PRKCE: variants seen among roughly 807,000 people sequenced by gnomAD.
PRKCE encodes protein kinase C epsilon type.
Under a neutral mutation model 85.4 loss-of-function variants are expected in PRKCE, and 16 were observed. The observed-to-expected ratio is 0.19, with a 90% CI of 0.13 to 0.28. The LOEUF (loss-of-function observed/expected upper bound fraction) is 0.28. Among genes scored for constraint, PRKCE ranks in the 10% least tolerant of loss-of-function variants. The pLI is 1.00. For missense variants in PRKCE, 573 were observed against 975.2 expected (o/e 0.59, Z 5.49); for synonymous variants, 388 against 371.5 (o/e 1.04, Z -0.51).
intron 4 of PRKCE, 117 bp from the exon 5 acceptor site, chr2:45,980,179 C>A: frequency 2.4e-6 from 2 of 841,016 alleles, no homozygotes; most frequent in Non-Finnish European, 3.7e-6. Context: ...TAAATTAAGG[C>A]TCAGTGGCAG....
At chr2:45,676,106 G>C (rs939877138) in intron 1 of PRKCE, 1 of 152,172 alleles carries the variant, frequency 6.6e-6, no homozygotes, top group Non-Finnish European at 1.5e-5. Flanking sequence ...GGCGTGACGG[G>C]ATTTTCTTGG....
intron 1 of PRKCE, among the ~76,000 whole-genome samples, chr2:45,792,019 C>T (rs1448345159): frequency 6.6e-6 from 1 of 152,232 alleles, no homozygotes; most frequent in Non-Finnish European, 1.5e-5. Context: ...GTTACTCTAA[C>T]AGAATAGCTA....
At chr2:45,851,584 G>A (rs2105559941) in intron 2 of PRKCE, 1 of 152,188 alleles carries the variant, frequency 6.6e-6, no homozygotes, top group South Asian at 2.1e-4. Context: ...TTATTATTTT[G>A]TTTTTCTTTC....
intron 11 of PRKCE, among the ~76,000 whole-genome samples, chr2:46,123,249 A>G (rs1343778573): frequency 1.6e-5 from 1 of 63,586 alleles, no homozygotes; most frequent in Non-Finnish European, 2.8e-5. Context: ...TTTTTGGTCT[A>G]CACACAGCTT....
At chr2:45,881,054 G>A (rs1450435260) in intron 2 of PRKCE, among the ~76,000 whole-genome samples, 1 of 150,712 alleles carries the variant, frequency 6.6e-6, no homozygotes, top group Non-Finnish European at 1.5e-5. Flanking sequence ...TTGGGAGGCT[G>A]AGGCAGGAGA....
intron 1 of PRKCE, among the ~76,000 whole-genome samples, chr2:45,687,255 A>T (rs1486320156): frequency 6.6e-6 from 1 of 152,214 alleles, no homozygotes; most frequent in Non-Finnish European, 1.5e-5. Flanking sequence ...AAAGTATTCT[A>T]ATAAATTAGT....
rs527569088 is a variant in PRKCE, at chr2:45,841,053, C to G, written c.349-1947C>G. ...TGTGTGCTGGGTGTTTCCTAAGAGA[C>G]AGTGAGCTACGAACTAGGGATGCAA... On this transcript the variant is annotated intron_variant, in intron 1 of 14. Transcript: ENST00000306156. Among the ~76,000 whole-genome samples the G allele has an allele frequency of 7.2e-5, 11 of 152,262 alleles. No individual in the cohort carries two copies. The South Asian group carries it at 1.5e-3, about 20-fold the overall frequency.
intron 2 of PRKCE, among the ~76,000 whole-genome samples, chr2:45,898,992 A>T (rs895591875): frequency 6.6e-6 from 1 of 152,236 alleles, no homozygotes; most frequent in Non-Finnish European, 1.5e-5. Flanking sequence ...TCATTGTTTC[A>T]GGACTTACAT....
chr2:46,171,342 G>A (rs1678875471), intron 14 of PRKCE, among the ~76,000 whole-genome samples: 1 of 152,216 alleles, frequency 6.6e-6, no homozygotes, highest in Non-Finnish European at 1.5e-5. Context: ...TGGTGGTGAT[G>A]GTGGCCTCTT....
chr2:45,858,815 C>A (rs60327045), intron 2 of PRKCE, among the ~76,000 whole-genome samples: 2 of 151,752 alleles, frequency 1.3e-5, no homozygotes, highest in Non-Finnish European at 2.9e-5. Flanking sequence ...CCAAGGCGGG[C>A]GGATCACTTG....
intron 6 of PRKCE, among the ~76,000 whole-genome samples, chr2:45,987,490 T>C (rs1157140046): frequency 1.3e-5 from 2 of 152,198 alleles, no homozygotes; most frequent in South Asian, 2.1e-4. Flanking sequence ...TCCTCTCTCT[T>C]TAATTAAGAA....
At chr2:46,076,680 T>C (rs1026584519) in intron 10 of PRKCE, among the ~76,000 whole-genome samples, 14 of 152,136 alleles carry the variant, frequency 9.2e-5, no homozygotes, top group South Asian at 6.2e-4. Flanking sequence ...CCAACTGTGA[T>C]TGAATTAAGG....
intron 11 of PRKCE, among the ~76,000 whole-genome samples, chr2:46,135,517 A>G (rs1035715302): frequency 6.6e-6 from 1 of 152,166 alleles, no homozygotes; most frequent in Non-Finnish European, 1.5e-5. Flanking sequence ...GATTAAATGA[A>G]GTAAGAGATA....
intron 3 of PRKCE, 91 bp from the exon 4 acceptor site, chr2:45,978,885 G>T: frequency 9.5e-7 from 1 of 1,049,678 alleles, no homozygotes. Flanking sequence ...GGTGCTATGT[G>T]GGTGGTGGCC....
chr2:45,666,053 G>C (rs1375345492), intron 1 of PRKCE, among the ~76,000 whole-genome samples: 3 of 152,156 alleles, frequency 2.0e-5, no homozygotes, highest in Admixed American at 2.0e-4. Flanking sequence ...CCTGCCATTA[G>C]CCTGCTACAG....
intron 10 of PRKCE, among the ~76,000 whole-genome samples, chr2:46,049,825 G>T (rs1184459334): frequency 1.3e-5 from 2 of 152,126 alleles, no homozygotes; most frequent in South Asian, 2.1e-4. Flanking sequence ...TTTGTGTTCT[G>T]CAGTTGATTT....
intron 1 of PRKCE, among the ~76,000 whole-genome samples, chr2:45,791,455 C>T (rs887814132): frequency 1.3e-5 from 2 of 152,198 alleles, no homozygotes; most frequent in Non-Finnish European, 2.9e-5. Flanking sequence ...TTTCAGGCTA[C>T]CCTGTGGGCC....
chr2:45,662,228 T>C (rs1260990488), intron 1 of PRKCE, among the ~76,000 whole-genome samples: 1 of 152,216 alleles, frequency 6.6e-6, no homozygotes, highest in Non-Finnish European at 1.5e-5. Context: ...TGAGCAAATA[T>C]TTATTGAATA....
At chr2:45,959,649 A>T (rs1485612730) in intron 2 of PRKCE, among the ~76,000 whole-genome samples, 1 of 152,138 alleles carries the variant, frequency 6.6e-6, no homozygotes, top group African/African-American at 2.4e-5. Context: ...TTGATCTGAA[A>T]CTTTCTTCCT....
Sources: gnomAD v4.1 joint callset for allele counts (sites outside exome capture counted in the v4.1 genomes callset) on GRCh38, gnomAD v4.1.1 for gene constraint, MANE v1.5 for transcripts, NCBI Gene and HGNC (gene_info 2026-07-23, HGNC 2026-07-21) for gene names.